GUCY1A2: variants seen among roughly 807,000 people sequenced by gnomAD.
GUCY1A2 encodes guanylate cyclase 1 soluble subunit alpha 2.
A neutral mutation model predicts 63.5 loss-of-function variants in GUCY1A2; 27 were observed. The observed-to-expected ratio is 0.43, with a 90% CI of 0.31 to 0.59. The LOEUF is 0.59. Among genes scored for constraint, GUCY1A2 ranks in the 20% least tolerant of loss-of-function variants. GUCY1A2 has a pLI of 0.11. For missense variants in GUCY1A2, 768 were observed against 913.3 expected, an observed-to-expected ratio of 0.84 and a Z score of 2.05; for synonymous variants, 364 against 343.5, an observed-to-expected ratio of 1.06 and a Z score of -0.66.
chr11:106,931,852 G>T (rs1243792767), intron 4 of GUCY1A2, among the ~76,000 whole-genome samples: 1 of 152,140 alleles, frequency 6.6e-6, no homozygotes, highest in African/African-American at 2.4e-5. Flanking sequence ...AACTGCAAAT[G>T]GGTAAACTTT....
At chr11:106,924,208 A>G (rs923076446) in intron 4 of GUCY1A2, among the ~76,000 whole-genome samples, 2 of 152,218 alleles carry the variant, frequency 1.3e-5, no homozygotes, top group African/African-American at 4.8e-5. Flanking sequence ...TAGGACAAGC[A>G]AAATAATTAC....
intron 7 of GUCY1A2, among the ~76,000 whole-genome samples, chr11:106,696,163 A>G (rs946855952): frequency 3.3e-5 from 5 of 152,216 alleles, no homozygotes; most frequent in African/African-American, 1.2e-4. Flanking sequence ...AGGATGCTAA[A>G]TAACTAAAGA....
chr11:106,757,106 A>G (rs1221902506), intron 6 of GUCY1A2, among the ~76,000 whole-genome samples: 1 of 152,094 alleles, frequency 6.6e-6, no homozygotes, highest in African/African-American at 2.4e-5. Context: ...TTGATCTTCA[A>G]TCACTGATAT....
At chr11:106,962,560 A>C (rs927311185) in intron 3 of GUCY1A2, among the ~76,000 whole-genome samples, 4 of 151,546 alleles carry the variant, frequency 2.6e-5, no homozygotes, top group Non-Finnish European at 5.9e-5. Flanking sequence ...ATCTCAAAAA[A>C]AAAAAAAAAC....
intron 4 of GUCY1A2, among the ~76,000 whole-genome samples, chr11:106,907,243 C>T (rs749624552): frequency 2.3e-4 from 35 of 152,106 alleles, no homozygotes; most frequent in Non-Finnish European, 7.4e-5. Flanking sequence ...TCTTCAGGTG[C>T]ACCTATGGCT....
rs769445928 is a variant in GUCY1A2, at chr11:106,683,930, G to A, written c.*3619C>T. On this transcript the variant is annotated 3_prime_UTR_variant, in exon 8 of 8. Coordinates refer to ENST00000526355, the MANE Select transcript of GUCY1A2 (RefSeq NM_000855.3). ...AACACAGAGCCTGGTGGGGTTTTCAGAATTCTCCATGGCTTTGCCTTTTGT... is the reference window on the plus strand; with the variant it reads ...AACACAGAGCCTGGTGGGGTTTTCAAAATTCTCCATGGCTTTGCCTTTTGT... 9.9e-6 allele frequency: 2 copies of A among 202,532 alleles called. No individual in the cohort carries two copies. The highest frequency in any genetic ancestry group is 1.0e-5 in the Non-Finnish European group (1 of 98,392). The allele number at this position is 202,532 out of a possible 1,614,324, so 12.5% of individuals were successfully genotyped here.
chr11:106,852,170 A>C (rs11211945), intron 4 of GUCY1A2, among the ~76,000 whole-genome samples: 20,472 of 151,906 alleles, frequency 0.13, 1,686 homozygotes, highest in Admixed American at 0.2. Flanking sequence ...TAGAAATGCA[A>C]TTTTACTGAA....
At chr11:106,902,886 T>C (rs557922031) in intron 4 of GUCY1A2, among the ~76,000 whole-genome samples, 1 of 152,256 alleles carries the variant, frequency 6.6e-6, no homozygotes, top group South Asian at 2.1e-4. Context: ...ACTACACTAT[T>C]TTACAGCAAG....
At chr11:106,728,376 G>A (rs1863443784) in intron 6 of GUCY1A2, among the ~76,000 whole-genome samples, 2 of 151,970 alleles carry the variant, frequency 1.3e-5, no homozygotes, top group Non-Finnish European at 2.9e-5. Context: ...CTGTATTTTA[G>A]TACATATATA....
chr11:106,874,723 C>T (rs1859726629), intron 4 of GUCY1A2, among the ~76,000 whole-genome samples: 1 of 151,832 alleles, frequency 6.6e-6, no homozygotes, highest in African/African-American at 2.4e-5. Context: ...ACTCTCTCTG[C>T]CTCTTAGGTT....
intron 5 of GUCY1A2, among the ~76,000 whole-genome samples, chr11:106,792,941 C>T (rs1467687184): frequency 6.6e-6 from 1 of 151,958 alleles, no homozygotes; most frequent in East Asian, 1.9e-4. Flanking sequence ...GTAAAAATGT[C>T]CATAAAACCC....
chr11:106,876,067 T>G (rs550756421), intron 4 of GUCY1A2, among the ~76,000 whole-genome samples: 1 of 152,076 alleles, frequency 6.6e-6, no homozygotes, highest in African/African-American at 2.4e-5. Flanking sequence ...TTAAAGTAAA[T>G]ATTCAGTCTG....
At chr11:106,974,095 A>C (rs1861231938) in intron 3 of GUCY1A2, among the ~76,000 whole-genome samples, 1 of 152,110 alleles carries the variant, frequency 6.6e-6, no homozygotes, top group South Asian at 2.1e-4. Context: ...TCACTACATT[A>C]TAGTAACATT....
At chr11:106,879,465 G>A (rs1267670207) in intron 4 of GUCY1A2, among the ~76,000 whole-genome samples, 1 of 152,044 alleles carries the variant, frequency 6.6e-6, no homozygotes, top group Non-Finnish European at 1.5e-5. Context: ...TTTGTTGGGT[G>A]ATTCAAAAAT....
chr11:106,776,852 C>G (rs368002110), intron 5 of GUCY1A2, among the ~76,000 whole-genome samples: 14 of 152,260 alleles, frequency 9.2e-5, no homozygotes, highest in African/African-American at 3.4e-4. Flanking sequence ...TTATCCCCCA[C>G]GAAAACAGGA....
chr11:106,782,978 C>A (rs977542957), intron 5 of GUCY1A2, among the ~76,000 whole-genome samples: 4 of 152,094 alleles, frequency 2.6e-5, no homozygotes, highest in African/African-American at 9.7e-5. Flanking sequence ...TGAAAATCTA[C>A]GTGATTGTGG....
At chr11:106,748,314 C>CA (rs939540847) in intron 6 of GUCY1A2, among the ~76,000 whole-genome samples, 109 of 152,128 alleles carry the variant, frequency 7.2e-4, no homozygotes, top group African/African-American at 2.6e-3. Context: ...ACATAAGATG[C>CA]AAAAGGATCC....
intron 4 of GUCY1A2, among the ~76,000 whole-genome samples, chr11:106,840,586 A>AT (rs1859182555): frequency 6.6e-6 from 1 of 151,984 alleles, no homozygotes; most frequent in African/African-American, 2.4e-5. Context: ...AGATTAAGAA[A>AT]TTCCAGCAGT....
chr11:106,876,086 A>G (rs867161521), intron 4 of GUCY1A2, among the ~76,000 whole-genome samples: 5 of 152,118 alleles, frequency 3.3e-5, no homozygotes, highest in African/African-American at 9.7e-5. Flanking sequence ...TGATGTCAGT[A>G]TCTTCCCCCT....
Sources: gnomAD v4.1 joint callset for allele counts (sites outside exome capture counted in the v4.1 genomes callset) on GRCh38, gnomAD v4.1.1 for gene constraint, MANE v1.5 for transcripts, NCBI Gene and HGNC (gene_info 2026-07-23, HGNC 2026-07-21) for gene names.